The following TBC1D4 variants were observed in gnomAD, a reference collection of about 807,000 sequenced individuals.
TBC1D4 encodes TBC (Tre-2, BUB2, CDC16) domain-containing protein.
Under a neutral mutation model 142.5 loss-of-function variants are expected in TBC1D4, and 121 were observed. The observed-to-expected ratio is 0.85, with a 90% CI of 0.73 to 0.99. TBC1D4 has a LOEUF of 0.99. Ranked by LOEUF, TBC1D4 falls within the 50% of genes least tolerant of loss-of-function variation. The probability of loss-of-function intolerance (pLI) is 0.00; values close to 1 mark genes in which losing one functional copy is unlikely to be tolerated. For missense variants in TBC1D4, 1,475 were observed against 1,606.6 expected (o/e 0.92, Z 1.40); for synonymous variants, 630 against 628.2 (o/e 1.00, Z -0.04).
intron 1 of TBC1D4, among the ~76,000 whole-genome samples, chr13:75,387,145 AC>A (rs770977991): frequency 2.4e-4 from 36 of 152,280 alleles, no homozygotes; most frequent in Admixed American, 1.1e-3. Flanking sequence ...CACTTTTAAA[AC>A]AAAAAAGTTT....
At chr13:75,295,502 G>A (rs1203566986) in intron 17 of TBC1D4, among the ~76,000 whole-genome samples, 1 of 152,164 alleles carries the variant, frequency 6.6e-6, no homozygotes, top group Non-Finnish European at 1.5e-5. Context: ...ACTGCTAGGA[G>A]AGAATTAAAG....
Position 75,315,363 on chromosome 13 carries a change from T to C in TBC1D4, c.2223-2465A>G, listed in dbSNP as rs1222445336. On this transcript the variant is annotated intron_variant, in intron 12 of 20. Transcript: ENST00000377636. ...TTCCTGAATATTGAATATATATATA[T>C]ATATATACACACACACACACACACA... Among the ~76,000 whole-genome samples the C allele has an allele frequency of 2.3e-3, 346 of 147,296 alleles. 1 individual carries two copies. The highest frequency in any genetic ancestry group is 8.3e-3 in the African/African-American group (328 of 39,636).
intron 1 of TBC1D4, among the ~76,000 whole-genome samples, chr13:75,478,718 C>T (rs367752341): frequency 3.9e-5 from 6 of 152,308 alleles, no homozygotes; most frequent in African/African-American, 1.4e-4. Flanking sequence ...AGAATCAACA[C>T]TTCTGGGAAT....
intron 2 of TBC1D4, among the ~76,000 whole-genome samples, chr13:75,360,149 A>G (rs949412739): frequency 6.6e-6 from 1 of 152,218 alleles, no homozygotes; most frequent in African/African-American, 2.4e-5. Flanking sequence ...AAAAATATGC[A>G]AACTTTCCTC....
chr13:75,363,088 A>C (rs1404519447), intron 1 of TBC1D4, among the ~76,000 whole-genome samples: 2 of 152,228 alleles, frequency 1.3e-5, no homozygotes, highest in Non-Finnish European at 2.9e-5. Context: ...TATACCTCTT[A>C]GAATGGCTAA....
In TBC1D4 at chr13:75,302,347, C is replaced by G; in HGVS notation, c.2807G>C (p.Arg936Pro). ...TTTATTAGGCAATCTGTGTCTGAGTCGGTACTGTAAAGCCAGAAACTGCCA... is the reference window on the plus strand; with the variant it reads ...TTTATTAGGCAATCTGTGTCTGAGTGGGTACTGTAAAGCCAGAAACTGCCA... ...EIWQFLALQY[R>P]LRHRLPNKQQ... The change falls in exon 16 of 21, where the codon CGA becomes CCA. Residue 936 changes from arginine (R) to proline (P), a missense_variant. Transcript: ENST00000377636. 6.2e-7 allele frequency: 1 copy of G among 1,614,114 alleles called. No homozygotes were observed. Among genetic ancestry groups the G allele is most frequent in the Non-Finnish European group, 8.5e-7 (1 of 1,180,020 alleles).
intron 17 of TBC1D4, among the ~76,000 whole-genome samples, chr13:75,296,317 A>G (rs1473286573): frequency 6.6e-6 from 1 of 152,236 alleles, no homozygotes; most frequent in Non-Finnish European, 1.5e-5. Flanking sequence ...TATCAACAAA[A>G]GAGTTAGTAT....
At chr13:75,462,316 C>G (rs1888004712) in intron 1 of TBC1D4, among the ~76,000 whole-genome samples, 2 of 152,080 alleles carry the variant, frequency 1.3e-5, no homozygotes, top group African/African-American at 4.8e-5. Flanking sequence ...ATCTACAGAC[C>G]TAAAGTTTAA....
At chr13:75,425,275 A>T (rs1040177018) in intron 1 of TBC1D4, among the ~76,000 whole-genome samples, 2 of 152,338 alleles carry the variant, frequency 1.3e-5, no homozygotes, top group Non-Finnish European at 2.9e-5. Flanking sequence ...AATTCAAATT[A>T]AAACCACAAC....
intron 1 of TBC1D4, among the ~76,000 whole-genome samples, chr13:75,468,919 G>A (rs1888277505): frequency 6.6e-6 from 1 of 152,176 alleles, no homozygotes; most frequent in South Asian, 2.1e-4. Flanking sequence ...TCCAGAGGTG[G>A]TGACAGTGCT....
intron 18 of TBC1D4, among the ~76,000 whole-genome samples, chr13:75,292,802 C>T (rs190235254): frequency 6.6e-6 from 1 of 151,800 alleles, no homozygotes; most frequent in African/African-American, 2.4e-5. Flanking sequence ...AATATAAGAG[C>T]TACCCTAACT....
Position 75,341,604 on chromosome 13 carries a change from G to T in TBC1D4, c.1409-17C>A. ...GGTAGAGACCTAAGGAAAATGATGA[G>T]GGAAGGTATTAAACAGAGTCTAGCA... On this transcript the variant is annotated splice_polypyrimidine_tract_variant and intron_variant, in intron 5 of 20. Transcript: ENST00000377636. The T allele has an allele frequency of 6.3e-7, 1 of 1,596,544 alleles. No individual in the cohort carries two copies. The highest frequency in any genetic ancestry group is 2.2e-5 in the East Asian group (1 of 44,766).
At position 75,405,173 on chromosome 13, in the gene TBC1D4, G is replaced by A. The variant is rs538804081; in HGVS notation, c.499-42566C>T. ...CCTGTTAGGTGAAACAAACCATGTCGCAGAATAGTAAACATATAATTTTTG... is the reference window on the plus strand; with the variant it reads ...CCTGTTAGGTGAAACAAACCATGTCACAGAATAGTAAACATATAATTTTTG... On this transcript the variant is annotated intron_variant, in intron 1 of 20. Coordinates refer to ENST00000377636, the MANE Select transcript of TBC1D4 (RefSeq NM_014832.5). Among the ~76,000 whole-genome samples, 7 of 151,748 alleles carry A rather than the reference G, an allele frequency of 4.6e-5. No individual in the cohort carries two copies. In the South Asian group the frequency reaches 1.3e-3, roughly 27 times the overall value.
chr13:75,388,267 C>A (rs1439785666), intron 1 of TBC1D4, among the ~76,000 whole-genome samples: 1 of 152,146 alleles, frequency 6.6e-6, no homozygotes, highest in East Asian at 1.9e-4. Flanking sequence ...TTCTGACATA[C>A]AAGGTAATAT....
chr13:75,407,967 T>C (rs1206550415), intron 1 of TBC1D4, among the ~76,000 whole-genome samples: 1 of 152,220 alleles, frequency 6.6e-6, no homozygotes, highest in African/African-American at 2.4e-5. Flanking sequence ...ACAGCTTTAT[T>C]AATATATAAT....
At position 75,393,159 on chromosome 13, in the gene TBC1D4, A is replaced by T. The variant is rs1246583749; in HGVS notation, c.499-30552T>A. On this transcript the variant is annotated intron_variant, in intron 1 of 20. Coordinates refer to ENST00000377636, the MANE Select transcript of TBC1D4 (RefSeq NM_014832.5). ...CACACACACACACACACACACACTCAGTCTTTGTTTGCTCTTACTACTGCA... is the reference window on the plus strand; with the variant it reads ...CACACACACACACACACACACACTCTGTCTTTGTTTGCTCTTACTACTGCA... Among the ~76,000 whole-genome samples the T allele has an allele frequency of 2.8e-5, 4 of 144,918 alleles. No individual in the cohort carries two copies. In the East Asian group the frequency reaches 8.2e-4, roughly 30 times the overall value.
At chr13:75,467,263 T>C (rs78384852) in intron 1 of TBC1D4, among the ~76,000 whole-genome samples, 22 of 152,356 alleles carry the variant, frequency 1.4e-4, no homozygotes, top group African/African-American at 5.0e-4. Flanking sequence ...CTGTCTATTT[T>C]CATATTTGCC....
At position 75,324,288 on chromosome 13, in the gene TBC1D4, CT is replaced by C; in HGVS notation, c.2146del (p.Ser716AlafsTer43). On this transcript the variant is annotated frameshift_variant, in exon 11 of 21. Transcript: ENST00000377636. LOFTEE classifies it high-confidence loss of function. ...PSFTAPSFLK[S>X]FYQNSGRLSP... ...CAGTCTACCTGAATTCTGGTAAAAG[CT>C]TTTCAGGAAAGAGGGGGCAGTGAAG... 6.2e-7 allele frequency: 1 copy of C among 1,613,880 alleles called. No homozygotes were observed. The highest frequency in any genetic ancestry group is 2.2e-5 in the East Asian group (1 of 44,852).
Position 75,481,804 on chromosome 13 carries a change from G to T in TBC1D4, c.-37C>A, listed in dbSNP as rs758883995. The T allele has an allele frequency of 4.8e-6, 7 of 1,464,274 alleles. No individual in the cohort carries two copies. The highest frequency in any genetic ancestry group is 3.6e-6 in the Non-Finnish European group (4 of 1,117,456). The allele number at this position is 1,464,274 out of a possible 1,614,324, so 90.7% of individuals were successfully genotyped here. A position where few individuals can be genotyped will look rare whatever the true frequency, so the allele number is the denominator to read the frequency against. On this transcript the variant is annotated 5_prime_UTR_variant, in exon 1 of 21. Coordinates refer to ENST00000377636, the MANE Select transcript of TBC1D4 (RefSeq NM_014832.5). Reference sequence around the variant, plus strand: ...CACCAGGGCACCGCGGAGGCCGGCCGGGCGCACCGCGCCCCCCACTCCCGC... The same window carrying T: ...CACCAGGGCACCGCGGAGGCCGGCCTGGCGCACCGCGCCCCCCACTCCCGC...
Sources: allele counts gnomAD v4.1 joint callset (sites outside exome capture counted in the v4.1 genomes callset), GRCh38; gene constraint gnomAD v4.1.1; transcripts MANE v1.5; gene names NCBI Gene and HGNC (gene_info 2026-07-23, HGNC 2026-07-21).